URI1: variants seen among roughly 807,000 people sequenced by gnomAD.
The protein encoded by URI1 is unconventional prefoldin RPB5 interactor 1.
Under a neutral mutation model 60.2 loss-of-function variants are expected in URI1, and 39 were observed. That is an observed-to-expected ratio of 0.65 (90% CI 0.50 to 0.85). URI1 has a LOEUF of 0.85. Among genes scored for constraint, URI1 ranks in the 40% least tolerant of loss-of-function variants. The pLI, the probability that URI1 is intolerant of heterozygous loss-of-function variation, is 0.00. For synonymous variants in URI1, 251 were observed against 236.8 expected, an observed-to-expected ratio of 1.06 and a Z score of -0.55; for missense variants, 691 against 665.9, an observed-to-expected ratio of 1.04 and a Z score of -0.42.
chr19:30,014,440 T>TG (rs1289566773), intron 10 of URI1, among the ~76,000 whole-genome samples: 9 of 152,184 alleles, frequency 5.9e-5, no homozygotes, highest in Admixed American at 4.6e-4. Context: ...TCAGTACTGG[T>TG]GAAACTAAGC....
chr19:29,925,795 C>T (rs1332458356), intron 1 of URI1: 1 of 152,178 alleles, frequency 6.6e-6, no homozygotes, highest in Non-Finnish European at 1.5e-5. Flanking sequence ...AGGGGATGGT[C>T]CACACTTTCA....
At chr19:30,001,388 A>G (rs2055876602) in intron 4 of URI1, among the ~76,000 whole-genome samples, 1 of 151,714 alleles carries the variant, frequency 6.6e-6, no homozygotes, top group Non-Finnish European at 1.5e-5. Flanking sequence ...TTCTTCATCT[A>G]GTGTTCTGAG....
rs940335179 is a variant in URI1, at chr19:29,945,888, G to C, written c.117+3224G>C. Among the ~76,000 whole-genome samples, 3 of 151,856 alleles carry C rather than the reference G, an allele frequency of 2.0e-5. No homozygotes were observed. In the East Asian group the frequency reaches 5.8e-4, roughly 29 times the overall value. On this transcript the variant is annotated intron_variant, in intron 1 of 10. Coordinates refer to ENST00000392271, the MANE Select transcript of URI1 (RefSeq NM_003796.3). ...TTTTTTTTTTCCAAAAAAAGCTATT[G>C]ATAAAACTTATTTTAATTTTAACGA...
rs1267638103 is a variant in URI1, at chr19:30,005,768, C to T, written c.517+60C>T. 5 of 1,470,644 alleles carry T rather than the reference C, an allele frequency of 3.4e-6. No homozygotes were observed. In the African/African-American group the frequency reaches 7.1e-5, roughly 21 times the overall value. The allele number at this position is 1,470,644 out of a possible 1,614,324, so 91.1% of individuals were successfully genotyped here. A position where few individuals can be genotyped will look rare whatever the true frequency, so the allele number is the denominator to read the frequency against. On this transcript the variant is annotated intron_variant, in intron 6 of 10. Coordinates refer to ENST00000392271, the MANE Select transcript of URI1 (RefSeq NM_003796.3). Reference sequence around the variant, plus strand: ...AGATATTTTGATTTTTGTTGATTTTCAGTGGGCTTTCTGTGAGATATTTGG... The same window carrying T: ...AGATATTTTGATTTTTGTTGATTTTTAGTGGGCTTTCTGTGAGATATTTGG...
upstream of URI1, chr19:29,937,663 G>A (rs1000308398): frequency 6.6e-6 from 1 of 152,166 alleles, no homozygotes; most frequent in Non-Finnish European, 1.5e-5. Flanking sequence ...ACCTGGAAAT[G>A]ATATCTGTAA....
Position 29,942,464 on chromosome 19 carries a change from G to T in URI1, c.-84G>T. On this transcript the variant is annotated 5_prime_UTR_variant, in exon 1 of 11. Coordinates refer to ENST00000392271, the MANE Select transcript of URI1 (RefSeq NM_003796.3). ...GCGCGGTGCCTGAGGGCGGGCGCGC[G>T]GGCGCTGGGCAACTGCCGGCCGCGC... The T allele has an allele frequency of 9.6e-7, 1 of 1,041,608 alleles. No individual in the cohort carries two copies. Among genetic ancestry groups the T allele is most frequent in the South Asian group, 4.4e-5 (1 of 22,792 alleles). 64.5% of individuals were successfully genotyped at this position (1,041,608 alleles called of 1,614,324 possible). A position where few individuals can be genotyped will look rare whatever the true frequency, so the allele number is the denominator to read the frequency against.
At chr19:29,950,751 C>T (rs1822492535) in intron 1 of URI1, among the ~76,000 whole-genome samples, 1 of 152,108 alleles carries the variant, frequency 6.6e-6, no homozygotes, top group African/African-American at 2.4e-5. Context: ...CTAAAAATGT[C>T]CTTTATAACT....
chr19:29,999,373 C>G (rs571489422), intron 4 of URI1, among the ~76,000 whole-genome samples: 1 of 152,216 alleles, frequency 6.6e-6, no homozygotes, highest in South Asian at 2.1e-4. Flanking sequence ...GGAATGCCCT[C>G]AACTCTTGTT....
chr19:30,015,675 C>T lies in URI1; in HGVS notation c.*606C>T. The T allele has an allele frequency of 7.7e-7, 1 of 1,293,630 alleles. No individual in the cohort carries two copies. The highest frequency in any genetic ancestry group is 2.5e-5 in the East Asian group (1 of 39,412). The allele number at this position is 1,293,630 out of a possible 1,614,324, so 80.1% of individuals were successfully genotyped here. A position where few individuals can be genotyped will look rare whatever the true frequency, so the allele number is the denominator to read the frequency against. ...AAGATATTTTGTAAAACTTTTTTTT[C>T]CAAGTAAAAACTTTATGAAACTTGG... is the stretch of plus-strand genomic sequence containing the variant. On this transcript the variant is annotated 3_prime_UTR_variant, in exon 11 of 11. Transcript: ENST00000392271.
chr19:29,947,473 C>T (rs1195968379), intron 1 of URI1, among the ~76,000 whole-genome samples: 4 of 152,146 alleles, frequency 2.6e-5, no homozygotes, highest in African/African-American at 7.2e-5. Context: ...ACCAGTTTAC[C>T]GCTTGCTAGC....
intron 1 of URI1, among the ~76,000 whole-genome samples, chr19:29,957,496 T>G (rs1344511385): frequency 6.6e-6 from 1 of 152,172 alleles, no homozygotes; most frequent in African/African-American, 2.4e-5. Context: ...CATTGGATTA[T>G]TTGCCTGTAA....
At chr19:29,996,714 C>T (rs1391687537) in intron 4 of URI1, among the ~76,000 whole-genome samples, 1 of 151,926 alleles carries the variant, frequency 6.6e-6, no homozygotes, top group African/African-American at 2.4e-5. Flanking sequence ...AGTCTTTCAT[C>T]ATAGAGTGTG....
intron 2 of URI1, among the ~76,000 whole-genome samples, chr19:29,980,985 T>G (rs941057080): frequency 6.6e-6 from 1 of 151,942 alleles, no homozygotes; most frequent in Non-Finnish European, 1.5e-5. Context: ...ACTTCTTACT[T>G]TAAAGTAAAA....
At chr19:29,945,861 AT>A (rs751576072) in intron 1 of URI1, among the ~76,000 whole-genome samples, 4,463 of 148,646 alleles carry the variant, frequency 0.03, 231 homozygotes, top group African/African-American at 0.1. Context: ...ATTGGATGGG[AT>A]TTTTTTTTTT....
chr19:29,968,796 C>A lies in URI1; in HGVS notation c.118-2397C>A, dbSNP rs542824710. On this transcript the variant is annotated intron_variant, in intron 1 of 10. Coordinates refer to ENST00000392271, the MANE Select transcript of URI1 (RefSeq NM_003796.3). ...CTGTGTTAGCCAGGATGGTCTCGAT[C>A]TCCTGACCTCGTGATCCACCCACCT... 2.0e-5 allele frequency among the ~76,000 whole-genome samples: 3 copies of A among 151,748 alleles called. No individual in the cohort carries two copies. In the East Asian group the frequency reaches 5.8e-4, roughly 29 times the overall value.
chr19:29,999,836 A>T (rs2055855911), intron 4 of URI1, among the ~76,000 whole-genome samples: 3 of 151,882 alleles, frequency 2.0e-5, no homozygotes, highest in South Asian at 2.1e-4. Context: ...GACGTTATTT[A>T]AAAAAAAGAG....
chr19:29,971,267 A>T (rs759199356), intron 2 of URI1, 40 bp downstream of exon 2: 19 of 1,601,856 alleles, frequency 1.2e-5, no homozygotes, highest in Middle Eastern at 1.7e-4. Context: ...TGAAATACTG[A>T]TGGGGTAACC....
At chr19:30,003,228 G>C (rs1223907027) in intron 4 of URI1, among the ~76,000 whole-genome samples, 1 of 151,892 alleles carries the variant, frequency 6.6e-6, no homozygotes, top group African/African-American at 2.4e-5. Flanking sequence ...TTATGTTATT[G>C]TGAGCACCAG....
intron 1 of URI1, chr19:29,970,957 G>C (rs1311260997): frequency 1.9e-6 from 1 of 517,804 alleles, no homozygotes; most frequent in Non-Finnish European, 3.5e-6. Context: ...TTGTACCAAA[G>C]TATGAATCAG....
Sources: allele counts gnomAD v4.1 joint callset (sites outside exome capture counted in the v4.1 genomes callset), GRCh38; gene constraint gnomAD v4.1.1; transcripts MANE v1.5; gene names NCBI Gene and HGNC (gene_info 2026-07-23, HGNC 2026-07-21).